ZDHHC20: variants seen among roughly 807,000 people sequenced by gnomAD.
The protein encoded by ZDHHC20 is zDHHC palmitoyltransferase 20, also known as palmitoyltransferase ZDHHC20.
ZDHHC20 carries 43 observed loss-of-function variants against 57.8 expected under a neutral mutation model. That is an observed-to-expected ratio of 0.74 (90% CI 0.58 to 0.96). The LOEUF (loss-of-function observed/expected upper bound fraction) is 0.96, where lower values mean the gene tolerates loss of function less well. Among genes scored for constraint, ZDHHC20 ranks in the 40% least tolerant of loss-of-function variants. The pLI is 0.00. For missense variants in ZDHHC20, 391 were observed against 441.1 expected, an observed-to-expected ratio of 0.89 and a Z score of 1.02; for synonymous variants, 157 against 153.0, an observed-to-expected ratio of 1.03 and a Z score of -0.19.
intron 1 of ZDHHC20, among the ~76,000 whole-genome samples, chr13:21,426,458 C>T (rs1881260638): frequency 6.6e-6 from 1 of 152,150 alleles, no homozygotes; most frequent in Non-Finnish European, 1.5e-5. Flanking sequence ...TAACACACCA[C>T]CACCACTAGC....
chr13:21,437,926 C>T (rs989372493), intron 1 of ZDHHC20, among the ~76,000 whole-genome samples: 2 of 152,198 alleles, frequency 1.3e-5, no homozygotes, highest in Non-Finnish European at 2.9e-5. Flanking sequence ...CTCCTGACCT[C>T]GTGATCTGCC....
chr13:21,412,288 G>A (rs1879323090), intron 4 of ZDHHC20, among the ~76,000 whole-genome samples: 1 of 152,108 alleles, frequency 6.6e-6, no homozygotes, highest in East Asian at 1.9e-4. Flanking sequence ...CTATTAAGAA[G>A]GTAACTCATT....
intron 4 of ZDHHC20, among the ~76,000 whole-genome samples, chr13:21,406,464 C>T (rs957801750): frequency 7.9e-5 from 12 of 152,032 alleles, no homozygotes; most frequent in African/African-American, 2.7e-4. Flanking sequence ...ATACATGTGC[C>T]ATGGTGGTTT....
intron 4 of ZDHHC20, among the ~76,000 whole-genome samples, chr13:21,406,493 T>C (rs1252689892): frequency 6.6e-6 from 1 of 152,176 alleles, no homozygotes; most frequent in African/African-American, 2.4e-5. Context: ...TATCAATCTG[T>C]CATCTACAAT....
rs1228710675 is a variant in ZDHHC20 at position 21,387,552 on chromosome 13, G to T, written c.810C>A (p.Val270=). The change falls in exon 9 of 13, where the codon GTC becomes GTA. Residue 270 remains valine (V), a synonymous_variant. Transcript: ENST00000400590. The part of the protein sequence containing the change: ...SLGCSKNWRQ[V]FGDEKKYWLL... ...GCCAATATTTCTTTTCATCACCAAA[G>T]ACTTGTCTCCAATTTTTACTGCATC... 1.3e-6 allele frequency: 2 copies of T among 1,535,982 alleles called. No homozygotes were observed. Among genetic ancestry groups the T allele is most frequent in the Admixed American group, 2.0e-5 (1 of 49,226 alleles).
In ZDHHC20 at chr13:21,445,893, C is replaced by T. The variant is rs78882975; in HGVS notation, c.118+13161G>A. Among the ~76,000 whole-genome samples, 1,274 of 152,284 alleles carry T rather than the reference C, an allele frequency of 8.4e-3. 14 individuals are homozygous for T. The highest frequency in any genetic ancestry group is 0.029 in the African/African-American group (1,201 of 41,552). On this transcript the variant is annotated intron_variant, in intron 1 of 12. Transcript: ENST00000400590. ...ACAGAGGGTAGTCAGGAATGCCTCT[C>T]TGATAGGTGACTACCTGAACAGCGA...
At chr13:21,403,415 G>A (rs1293993947) in intron 4 of ZDHHC20, among the ~76,000 whole-genome samples, 2 of 151,898 alleles carry the variant, frequency 1.3e-5, no homozygotes, top group African/African-American at 4.8e-5. Flanking sequence ...TACTATTGTT[G>A]CCTAATACAT....
intron 4 of ZDHHC20, among the ~76,000 whole-genome samples, chr13:21,409,035 T>C (rs1854370268): frequency 1.3e-5 from 2 of 152,258 alleles, no homozygotes; most frequent in African/African-American, 2.4e-5. Flanking sequence ...GATTTTCACA[T>C]TGATGTTCAT....
chr13:21,381,380 C>A, intron 11 of ZDHHC20, 54 bp downstream of exon 11: 2 of 1,321,758 alleles, frequency 1.5e-6, no homozygotes, highest in South Asian at 1.2e-5. Flanking sequence ...TGTATTATAT[C>A]TGGTGCTTTT....
At chr13:21,392,785 G>C (rs1566071657) in intron 7 of ZDHHC20, among the ~76,000 whole-genome samples, 1 of 152,164 alleles carries the variant, frequency 6.6e-6, no homozygotes, top group African/African-American at 2.4e-5. Flanking sequence ...TTAGCATTAG[G>C]TTATTGTGAC....
At chr13:21,427,834 CAAAAAAAA>C (rs755599024) in intron 1 of ZDHHC20, among the ~76,000 whole-genome samples, 1 of 92,526 alleles carries the variant, frequency 1.1e-5, no homozygotes, top group Non-Finnish European at 2.0e-5. Context: ...GACTCTGTTT[CAAAAAAAA>C]AAAAAAAAAA....
chr13:21,419,769 TTC>T (rs1207023639), intron 3 of ZDHHC20, among the ~76,000 whole-genome samples: 3 of 152,210 alleles, frequency 2.0e-5, no homozygotes, highest in Non-Finnish European at 4.4e-5. Context: ...TCTGGTAATG[TTC>T]TGTTTCTTGA....
At position 21,375,341 on chromosome 13, in the gene ZDHHC20, TGG is replaced by T. The variant is rs370471461; in HGVS notation, c.*1353_*1354del. 25 of 364,498 alleles carry T rather than the reference TGG, an allele frequency of 6.9e-5. No homozygotes were observed. Among genetic ancestry groups the T allele is most frequent in the Admixed American group, 2.9e-4 (8 of 28,042 alleles). The allele number at this position is 364,498 out of a possible 1,614,324, so 22.6% of individuals were successfully genotyped here. On this transcript the variant is annotated 3_prime_UTR_variant, in exon 13 of 13. Coordinates refer to ENST00000400590, the MANE Select transcript of ZDHHC20 (RefSeq NM_001330059.2). ...ACTCACTGGAAGCAATCAATTATTT[TGG>T]GGGGGGTGTGTGTGTGTGTGTGTCT...
chr13:21,382,118 C>T (rs1873536748), intron 10 of ZDHHC20: 1 of 311,004 alleles, frequency 3.2e-6, no homozygotes, highest in Non-Finnish European at 6.7e-6. Flanking sequence ...TTATCTCAAC[C>T]CTCAAAATAA....
rs552804151 is a variant in ZDHHC20 at position 21,409,610 on chromosome 13, T to C, written c.370+4042A>G. Among the ~76,000 whole-genome samples the C allele has an allele frequency of 2.8e-4, 42 of 152,314 alleles. No homozygotes were observed. The South Asian group carries it at 4.6e-3, about 17-fold the overall frequency. On this transcript the variant is annotated intron_variant, in intron 4 of 12. Transcript: ENST00000400590. Reference sequence around the variant, plus strand: ...CTTTTCATTCTTTTTTCTCTAATCTTGTCTTTATGCTTTATTTCATCAAGT... The same window carrying C: ...CTTTTCATTCTTTTTTCTCTAATCTCGTCTTTATGCTTTATTTCATCAAGT...
rs958042731 is a variant in ZDHHC20 at position 21,373,545 on chromosome 13, G to C, written c.*3151C>G. The C allele has an allele frequency of 3.3e-5, 5 of 152,162 alleles. No homozygotes were observed. The highest frequency in any genetic ancestry group is 1.2e-4 in the African/African-American group (5 of 41,444). The allele number at this position is 152,162 out of a possible 1,614,324, so 9.4% of individuals were successfully genotyped here. ...CATTTAAAATAACGAATGTACTGCA[G>C]CTGCTCTTTGGTTTGGCATAGTTTC... is the stretch of plus-strand genomic sequence containing the variant. On this transcript the variant is annotated 3_prime_UTR_variant, in exon 13 of 13. Coordinates refer to ENST00000400590, the MANE Select transcript of ZDHHC20 (RefSeq NM_001330059.2).
intron 2 of ZDHHC20, 100 bp downstream of exon 2, chr13:21,425,552 T>TA (rs1194766949): frequency 6.6e-6 from 6 of 903,068 alleles, no homozygotes; most frequent in East Asian, 4.9e-5. Context: ...ATTTTATTTC[T>TA]AAAAAACAAA....
chr13:21,425,413 GTGT>G (rs1206525043), intron 2 of ZDHHC20, among the ~76,000 whole-genome samples: 5 of 152,100 alleles, frequency 3.3e-5, no homozygotes, highest in African/African-American at 1.2e-4. Flanking sequence ...TGAGTACTAG[GTGT>G]TGTACAAAAT....
rs1482020664 is a variant in ZDHHC20 at position 21,375,755 on chromosome 13, C to T, written c.*941G>A. 6.6e-6 allele frequency: 1 copy of T among 152,252 alleles called. No homozygotes were observed. Among genetic ancestry groups the T allele is most frequent in the Non-Finnish European group, 1.5e-5 (1 of 68,090 alleles). 9.4% of individuals were successfully genotyped at this position (152,252 alleles called of 1,614,324 possible). The stretch of plus-strand genomic sequence containing the variant: ...CTACACTGAAATTTGAAAGTGAAGT[C>T]AACAGCATGCTTTATTCTAACTGCT... On this transcript the variant is annotated 3_prime_UTR_variant, in exon 13 of 13. Transcript: ENST00000400590.
Sources: gnomAD v4.1 joint callset for allele counts (sites outside exome capture counted in the v4.1 genomes callset) on GRCh38, gnomAD v4.1.1 for gene constraint, MANE v1.5 for transcripts, NCBI Gene and HGNC (gene_info 2026-07-23, HGNC 2026-07-21) for gene names.